TENT4B: variants seen among roughly 807,000 people sequenced by gnomAD.
TENT4B encodes PAP associated domain containing 5.
TENT4B carries 10 observed loss-of-function variants against 75.0 expected under a neutral mutation model. That is an observed-to-expected ratio of 0.13 (90% CI 0.08 to 0.23). TENT4B has a LOEUF of 0.23. Among genes scored for constraint, TENT4B ranks in the 10% least tolerant of loss-of-function variants. The pLI, the probability that TENT4B is intolerant of heterozygous loss-of-function variation, is 1.00. For synonymous variants in TENT4B, 350 were observed against 357.7 expected, an observed-to-expected ratio of 0.98 and a Z score of 0.24; for missense variants, 579 against 893.8, an observed-to-expected ratio of 0.65 and a Z score of 4.49.
chr16:50,197,462 T>C (rs549095672), intron 1 of TENT4B, among the ~76,000 whole-genome samples: 21 of 152,314 alleles, frequency 1.4e-4, no homozygotes, highest in African/African-American at 4.3e-4. Flanking sequence ...GTGATTTTTG[T>C]ATTTTTTGTA....
chr16:50,229,428 C>T lies in TENT4B; in HGVS notation c.*100C>T, dbSNP rs909834921. The T allele has an allele frequency of 4.3e-5, 60 of 1,383,054 alleles. No homozygotes were observed. The highest frequency in any genetic ancestry group is 5.5e-5 in the Non-Finnish European group (59 of 1,069,330). The allele number at this position is 1,383,054 out of a possible 1,614,324, so 85.7% of individuals were successfully genotyped here. ...AGATATTCAGGAGCCTCACACTGTT[C>T]AGACGTTGACTTAGCAACTGCGTTT... On this transcript the variant is annotated 3_prime_UTR_variant, in exon 12 of 12. Transcript: ENST00000561678.
intron 1 of TENT4B, among the ~76,000 whole-genome samples, chr16:50,189,305 G>T (rs184698821): frequency 2.0e-4 from 30 of 152,200 alleles, no homozygotes; most frequent in East Asian, 1.5e-3. Flanking sequence ...TCTCAACTGA[G>T]TTGTCCCTAT....
At chr16:50,167,727 G>C (rs531521662) in intron 1 of TENT4B, among the ~76,000 whole-genome samples, 11 of 151,236 alleles carry the variant, frequency 7.3e-5, no homozygotes, top group African/African-American at 2.4e-4. Flanking sequence ...GTGTGATCTT[G>C]GCTTACTGCA....
Position 50,233,014 on chromosome 16 carries a change from T to G in TENT4B, c.*3686T>G. ...GAATTTATTCTTACCCATCTATTCT[T>G]GTTCTCCTAGTTCATTAAACTTTCA... On this transcript the variant is annotated 3_prime_UTR_variant, in exon 12 of 12. Transcript: ENST00000561678. 1 of 984,798 alleles carries G rather than the reference T, an allele frequency of 1.0e-6. No homozygotes were observed. The highest frequency in any genetic ancestry group is 1.2e-6 in the Non-Finnish European group (1 of 829,322). 61.0% of individuals were successfully genotyped at this position (984,798 alleles called of 1,614,324 possible).
intron 1 of TENT4B, among the ~76,000 whole-genome samples, chr16:50,174,672 C>A (rs757544496): frequency 1.6e-4 from 24 of 150,458 alleles, no homozygotes; most frequent in Non-Finnish European, 2.8e-4. Flanking sequence ...AGAACTTATT[C>A]TTTCTACCTG....
At chr16:50,214,384 G>GAGCCACCATGCCCA in intron 3 of TENT4B, 117 bp downstream of exon 3, 2 of 756,014 alleles carry the variant, frequency 2.6e-6, no homozygotes, top group Non-Finnish European at 4.2e-6. Flanking sequence ...GGCTGGGCAT[G>GAGCCACCATGCCCA]GTGGCTCATG....
At chr16:50,154,855 T>G (rs900404049) in intron 1 of TENT4B, among the ~76,000 whole-genome samples, 1 of 152,158 alleles carries the variant, frequency 6.6e-6, no homozygotes, top group Non-Finnish European at 1.5e-5. Context: ...ATCTTTTTAT[T>G]TTTAAAAAAT....
chr16:50,232,432 G>C lies in TENT4B; in HGVS notation c.*3104G>C. 2.0e-6 allele frequency: 2 copies of C among 985,336 alleles called. No homozygotes were observed. Among genetic ancestry groups the C allele is most frequent in the Non-Finnish European group, 2.4e-6 (2 of 829,928 alleles). The allele number at this position is 985,336 out of a possible 1,614,324, so 61.0% of individuals were successfully genotyped here. The stretch of plus-strand genomic sequence containing the variant: ...TTTGATTTGGCTCCAGATATTCCTA[G>C]ATCTGCACAGGGCAAAACATGGGCT... On this transcript the variant is annotated 3_prime_UTR_variant, in exon 12 of 12. Transcript: ENST00000561678.
rs1304819237 is a variant in TENT4B at position 50,153,819 on chromosome 16, C to G, written c.198C>G (p.Thr66=). The G allele has an allele frequency of 8.1e-7, 1 of 1,231,566 alleles. No homozygotes were observed. The highest frequency in any genetic ancestry group is 1.6e-5 in the African/African-American group (1 of 63,266). 76.3% of individuals were successfully genotyped at this position (1,231,566 alleles called of 1,614,324 possible). Residue 66 remains threonine, a synonymous_variant, in exon 1 of 12, where the codon ACC becomes ACG. Coordinates refer to ENST00000561678, the MANE Select transcript of TENT4B (RefSeq NM_001365324.3). ...STATGGSGSS[T]GSPGGAASAP... ...CCACCGGCGGGAGCGGCAGCAGCAC[C>G]GGCAGCCCCGGCGGCGCGGCCTCGG...
At chr16:50,187,377 G>A (rs978152414) in intron 1 of TENT4B, among the ~76,000 whole-genome samples, 13 of 152,234 alleles carry the variant, frequency 8.5e-5, no homozygotes, top group African/African-American at 2.9e-4. Context: ...GAGGTCAGGA[G>A]TTTGAGACCA....
At chr16:50,209,370 G>A (rs993368414) in intron 1 of TENT4B, among the ~76,000 whole-genome samples, 4 of 152,170 alleles carry the variant, frequency 2.6e-5, no homozygotes, top group African/African-American at 9.7e-5. Flanking sequence ...TTCCCATTCA[G>A]CTGCTGTCTT....
At position 50,153,931 on chromosome 16, in the gene TENT4B, C is replaced by T; in HGVS notation, c.310C>T (p.Leu104=). The change falls in exon 1 of 12, where the codon CTG becomes TTG. Residue 104 remains leucine, a synonymous_variant. Transcript: ENST00000561678. Reference sequence around the variant, plus strand: ...GCTGCCCGCGGAGCAGCGGGACTTCCTGCCCCTAGAGACGACCAACAACAA... The same window carrying T: ...GCTGCCCGCGGAGCAGCGGGACTTCTTGCCCCTAGAGACGACCAACAACAA... ...HALPAEQRDF[L]PLETTNNNNN... 5 of 1,530,972 alleles carry T rather than the reference C, an allele frequency of 3.3e-6. No homozygotes were observed. Among genetic ancestry groups the T allele is most frequent in the Non-Finnish European group, 3.5e-6 (4 of 1,145,166 alleles). The allele number at this position is 1,530,972 out of a possible 1,614,324, so 94.8% of individuals were successfully genotyped here.
chr16:50,179,867 A>C (rs1339646256), intron 1 of TENT4B, among the ~76,000 whole-genome samples: 1 of 152,122 alleles, frequency 6.6e-6, no homozygotes, highest in Admixed American at 6.6e-5. Flanking sequence ...AAATCAAATA[A>C]AACCAGGGCT....
At chr16:50,209,975 A>AT (rs1229990633) in intron 1 of TENT4B, among the ~76,000 whole-genome samples, 1 of 151,998 alleles carries the variant, frequency 6.6e-6, no homozygotes, top group Non-Finnish European at 1.5e-5. Context: ...TGAAGTTGCC[A>AT]TGCAGTTGCA....
rs776656562 is a variant in TENT4B at position 50,223,151 on chromosome 16, A to C, written c.1168-23A>C. On this transcript the variant is annotated intron_variant, in intron 6 of 11. Transcript: ENST00000561678. The stretch of plus-strand genomic sequence containing the variant: ...TGATAATTTAGCAAAAATCCAATAT[A>C]ATTTCTTCTTTTCTGCTTTTAGTTA... The C allele has an allele frequency of 7.2e-6, 11 of 1,533,086 alleles. No homozygotes were observed. The Admixed American group carries it at 2.1e-4, about 30-fold the overall frequency. The allele number at this position is 1,533,086 out of a possible 1,614,324, so 95.0% of individuals were successfully genotyped here.
intron 6 of TENT4B, among the ~76,000 whole-genome samples, 157 bp downstream of exon 6, chr16:50,222,591 T>C (rs968259567): frequency 6.6e-6 from 1 of 152,244 alleles, no homozygotes; most frequent in Non-Finnish European, 1.5e-5. Context: ...CATTTTATCA[T>C]TTAGCAAATA....
chr16:50,220,996 G>T (rs2150744527), intron 5 of TENT4B, among the ~76,000 whole-genome samples: 1 of 152,076 alleles, frequency 6.6e-6, no homozygotes, highest in South Asian at 2.1e-4. Context: ...AAAAAAAATG[G>T]AAATCACCGG....
intron 1 of TENT4B, among the ~76,000 whole-genome samples, chr16:50,159,591 G>A (rs2037966113): frequency 6.6e-6 from 1 of 152,054 alleles, no homozygotes; most frequent in Non-Finnish European, 1.5e-5. Context: ...TGTTACTGCT[G>A]GGCTCCAAAG....
Position 50,231,761 on chromosome 16 carries a change from G to A in TENT4B, c.*2433G>A, listed in dbSNP as rs1028625841. 1 of 985,684 alleles carries A rather than the reference G, an allele frequency of 1.0e-6. No homozygotes were observed. Among genetic ancestry groups the A allele is most frequent in the Non-Finnish European group, 1.2e-6 (1 of 829,894 alleles). The allele number at this position is 985,684 out of a possible 1,614,324, so 61.1% of individuals were successfully genotyped here. A position where few individuals can be genotyped will look rare whatever the true frequency, so the allele number is the denominator to read the frequency against. On this transcript the variant is annotated 3_prime_UTR_variant, in exon 12 of 12. Transcript: ENST00000561678. ...CCAGCATTGTATTCGTGAATACTGTGTATCTTGCAGTGAACAGTGTGGAAG... is the reference window on the plus strand; with the variant it reads ...CCAGCATTGTATTCGTGAATACTGTATATCTTGCAGTGAACAGTGTGGAAG...
Sources: gnomAD v4.1 joint callset for allele counts (sites outside exome capture counted in the v4.1 genomes callset) on GRCh38, gnomAD v4.1.1 for gene constraint, MANE v1.5 for transcripts, NCBI Gene and HGNC (gene_info 2026-07-23, HGNC 2026-07-21) for gene names.